PALB2: variants seen among roughly 807,000 people sequenced by gnomAD.
PALB2 encodes the protein partner and localizer of BRCA2.
PALB2 carries 82 observed loss-of-function variants against 107.4 expected under a neutral mutation model. The ratio of observed to expected loss-of-function variants is 0.76; its 90% CI spans 0.64 to 0.92. The LOEUF (loss-of-function observed/expected upper bound fraction) is 0.92. Ranked by LOEUF, PALB2 falls within the 40% of genes least tolerant of loss-of-function variation. The pLI is 0.00. For synonymous variants in PALB2, 489 were observed against 496.8 expected, an observed-to-expected ratio of 0.98 and a Z score of 0.21; for missense variants, 1,374 against 1,379.9, an observed-to-expected ratio of 1.00 and a Z score of 0.07.
rs1475498237 is a variant in PALB2, at chr16:23,635,490, C to A, written c.1056G>T (p.Glu352Asp). 1 of 1,614,026 alleles carries A rather than the reference C, an allele frequency of 6.2e-7. No individual in the cohort carries two copies. The highest frequency in any genetic ancestry group is 1.7e-5 in the Admixed American group (1 of 60,002). ...NQNLKEQNQT[E>D]KSLKSPSDTL... Reference sequence around the variant, plus strand: ...TGTCACTGGGAGATTTTAAAGATTTCTCTGTTTGATTTTGTTCTTTTAAGT... The same window carrying A: ...TGTCACTGGGAGATTTTAAAGATTTATCTGTTTGATTTTGTTCTTTTAAGT... The change falls in exon 4 of 13, where the codon GAG becomes GAT. Residue 352 changes from glutamate to aspartate, a missense_variant. Physicochemically the swap from Glu to Asp is conservative, Grantham distance 45. Coordinates refer to ENST00000261584, the MANE Select transcript of PALB2 (RefSeq NM_024675.4).
chr16:23,605,176 T>G (rs1966447840), intron 12 of PALB2, among the ~76,000 whole-genome samples: 1 of 152,146 alleles, frequency 6.6e-6, no homozygotes, highest in Non-Finnish European at 1.5e-5. Flanking sequence ...GCATGATACT[T>G]TTTATCCCTG....
rs1188895680 is a variant in PALB2 at position 23,626,228 on chromosome 16, C to T, written c.2748+8G>A. On this transcript the variant is annotated splice_region_variant and intron_variant, in intron 7 of 12. Transcript: ENST00000261584. ...AAAGATCTCTTTCAGCTCGAGATTCCCACTTACCTCTGCGAAGTGCCAGGT... is the reference window on the plus strand; with the variant it reads ...AAAGATCTCTTTCAGCTCGAGATTCTCACTTACCTCTGCGAAGTGCCAGGT... The T allele has an allele frequency of 3.7e-6, 6 of 1,614,070 alleles. No individual in the cohort carries two copies. Among genetic ancestry groups the T allele is most frequent in the Non-Finnish European group, 5.1e-6 (6 of 1,180,044 alleles).
chr16:23,638,370 G>A, intron 1 of PALB2: 2 of 576,824 alleles, frequency 3.5e-6, no homozygotes, highest in South Asian at 3.9e-5. Flanking sequence ...TCAAACCTTA[G>A]CTTAGATTTT....
In PALB2 at chr16:23,637,838, G is replaced by A. The variant is rs1967098029; in HGVS notation, c.211+12C>T. ...ATAATAAAGCAGGCATAAGTGAATG[G>A]TCTAGATTTACCTGAGTGTTTTAGC... On this transcript the variant is annotated intron_variant, in intron 3 of 12. Transcript: ENST00000261584. The A allele has an allele frequency of 2.5e-6, 4 of 1,590,146 alleles. No homozygotes were observed. Among genetic ancestry groups the A allele is most frequent in the Non-Finnish European group, 3.5e-6 (4 of 1,158,228 alleles).
chr16:23,629,937 A>G lies in PALB2; in HGVS notation c.2217T>C (p.Pro739=), dbSNP rs876660727. The stretch of plus-strand genomic sequence containing the variant: ...TAGATGCTTTTTCATAGGAGCCTTG[A>G]GGGCCAAAGGCTGGAGTAGTACCTA... The part of the protein sequence containing the change: ...PILGTTPAFG[P]QGSYEKASTE... The change falls in exon 5 of 13, where the codon CCT becomes CCC. Residue 739 remains proline (P), a synonymous_variant. Transcript: ENST00000261584. The G allele has an allele frequency of 6.2e-7, 1 of 1,614,214 alleles. No individual in the cohort carries two copies. Among genetic ancestry groups the G allele is most frequent in the Non-Finnish European group, 8.5e-7 (1 of 1,180,040 alleles).
chr16:23,628,079 CA>C (rs1966850324), intron 6 of PALB2, among the ~76,000 whole-genome samples: 2 of 152,112 alleles, frequency 1.3e-5, no homozygotes, highest in South Asian at 4.1e-4. Context: ...CAAAAATTAG[CA>C]AGGCGTGGTG....
chr16:23,635,321 A>C lies in PALB2; in HGVS notation c.1225T>G (p.Tyr409Asp), dbSNP rs1064793222. ...GACATGCTTCGTGTTGTTCTAACAT[A>C]ATATTCTGCAGGAAACAGAAGGCCT... ...PEGLLFPAEYYVRTTRSMSNC... is the reference protein window; with the variant it reads ...PEGLLFPAEYDVRTTRSMSNC... Residue 409 changes from tyrosine (Y) to aspartate (D), a missense_variant, in exon 4 of 13, where the codon TAT (tyrosine) becomes GAT (aspartate). Physicochemically the swap from Tyr to Asp is radical, Grantham distance 160. Transcript: ENST00000261584. The C allele has an allele frequency of 6.2e-7, 1 of 1,614,112 alleles. No individual in the cohort carries two copies. The highest frequency in any genetic ancestry group is 1.7e-5 in the Admixed American group (1 of 60,026).
rs1567224243 is a variant in PALB2 at position 23,638,144 on chromosome 16, A to C, written c.49-15T>G. 1 of 1,610,064 alleles carries C rather than the reference A, an allele frequency of 6.2e-7. No homozygotes were observed. The highest frequency in any genetic ancestry group is 8.5e-7 in the Non-Finnish European group (1 of 1,176,284). ...TTCTCCTTTAACTGGAAGAAGAAAA[A>C]CACCAACAATACTGGGCAAGTGGAA... On this transcript the variant is annotated splice_polypyrimidine_tract_variant and intron_variant, in intron 1 of 12. Transcript: ENST00000261584.
At chr16:23,624,637 C>T (rs1966835728) in intron 7 of PALB2, among the ~76,000 whole-genome samples, 1 of 152,196 alleles carries the variant, frequency 6.6e-6, no homozygotes, top group Non-Finnish European at 1.5e-5. Context: ...CCTCAGCCTC[C>T]TGAGTAGCTG....
chr16:23,613,051 T>C (rs911871718), intron 11 of PALB2, among the ~76,000 whole-genome samples: 3 of 151,810 alleles, frequency 2.0e-5, no homozygotes, highest in Non-Finnish European at 4.4e-5. Context: ...AAATATTTTA[T>C]ATATTTATGG....
intron 5 of PALB2, 146 bp from the exon 6 acceptor site, chr16:23,629,421 T>C: frequency 2.2e-6 from 2 of 907,426 alleles, no homozygotes; most frequent in Non-Finnish European, 3.5e-6. Flanking sequence ...GTTTCACTGA[T>C]AACAAAGAGA....
At chr16:23,633,845 A>G (rs1206802693) in intron 4 of PALB2, among the ~76,000 whole-genome samples, 1 of 152,076 alleles carries the variant, frequency 6.6e-6, no homozygotes, top group African/African-American at 2.4e-5. Context: ...CTGAAACCAC[A>G]GGCATATACC....
chr16:23,610,620 C>T (rs1966567982), intron 11 of PALB2, among the ~76,000 whole-genome samples: 1 of 151,904 alleles, frequency 6.6e-6, no homozygotes, highest in Non-Finnish European at 1.5e-5. Context: ...AATATTATTT[C>T]TGAAGATTGG....
At chr16:23,618,049 G>A (rs892420476) in intron 10 of PALB2, among the ~76,000 whole-genome samples, 1 of 151,602 alleles carries the variant, frequency 6.6e-6, no homozygotes, top group Non-Finnish European at 1.5e-5. Context: ...CTGTGGTCTC[G>A]GCACTTTGGG....
chr16:23,609,420 A>G (rs1966543246), intron 11 of PALB2, among the ~76,000 whole-genome samples: 1 of 152,184 alleles, frequency 6.6e-6, no homozygotes, highest in Non-Finnish European at 1.5e-5. Flanking sequence ...GTGAGACCCT[A>G]TCTCTAAAAG....
In PALB2 at chr16:23,641,138, T is replaced by C. The variant is rs947155109; in HGVS notation, c.20A>G (p.Lys7Arg). The part of the protein sequence containing the change: MDEPPG[K>R]PLSCEEKEKL... ...TTCCTTCTCCTCACAGCTGAGGGGC[T>C]TCCCGGGAGGCTCGTCCATCGGGCA... The change falls in exon 1 of 13, where the codon AAG becomes AGG. Residue 7 changes from lysine (K) to arginine (R), a missense_variant. Coordinates refer to ENST00000261584, the MANE Select transcript of PALB2 (RefSeq NM_024675.4). 6 of 1,613,306 alleles carry C rather than the reference T, an allele frequency of 3.7e-6. No individual in the cohort carries two copies. In the African/African-American group the frequency reaches 8.0e-5, roughly 22 times the overall value.
At position 23,630,008 on chromosome 16, in the gene PALB2, TATC is replaced by T. The variant is rs1597089965; in HGVS notation, c.2143_2145del (p.Asp715del). On this transcript the variant is annotated inframe_deletion, in exon 5 of 13. Coordinates refer to ENST00000261584, the MANE Select transcript of PALB2 (RefSeq NM_024675.4). Reference sequence around the variant, plus strand: ...CACATGTCTGTGGTAGGCCTGTCATTATCATCAGGCGCAACCGTATTTAAAGGA... The same window carrying T: ...CACATGTCTGTGGTAGGCCTGTCATTATCAGGCGCAACCGTATTTAAAGGA... 1 of 1,614,138 alleles carries T rather than the reference TATC, an allele frequency of 6.2e-7. No homozygotes were observed. Among genetic ancestry groups the T allele is most frequent in the Non-Finnish European group, 8.5e-7 (1 of 1,180,026 alleles).
At chr16:23,631,920 C>T (rs955364300) in intron 4 of PALB2, among the ~76,000 whole-genome samples, 1 of 152,194 alleles carries the variant, frequency 6.6e-6, no homozygotes, top group Non-Finnish European at 1.5e-5. Context: ...GATCTTGGCT[C>T]ACTGCAACCT....
At position 23,621,451 on chromosome 16, in the gene PALB2, G is replaced by A. The variant is rs180177130; in HGVS notation, c.3024C>T (p.Pro1008=). 1.1e-5 allele frequency: 18 copies of A among 1,613,774 alleles called. No individual in the cohort carries two copies. In the East Asian group the frequency reaches 2.5e-4, roughly 22 times the overall value. ...GGGKENQFLM[P]PEETILTFAE... Reference sequence around the variant, plus strand: ...CAAAAGTTAGTATAGTCTCCTCAGGGGGCATCAAAAATTGGTTTTCTTTGC... The same window carrying A: ...CAAAAGTTAGTATAGTCTCCTCAGGAGGCATCAAAAATTGGTTTTCTTTGC... Residue 1008 remains proline (P), a synonymous_variant, in exon 10 of 13, where the codon CCC becomes CCT. Transcript: ENST00000261584.
Sources: gnomAD v4.1 joint callset for allele counts (sites outside exome capture counted in the v4.1 genomes callset) on GRCh38, gnomAD v4.1.1 for gene constraint, MANE v1.5 for transcripts, NCBI Gene and HGNC (gene_info 2026-07-23, HGNC 2026-07-21) for gene names.